The following PHLDB2 variants were observed in gnomAD, a reference collection of about 807,000 sequenced individuals.
PHLDB2 encodes the protein pleckstrin homology-like domain family B member 2.
In PHLDB2, 71 loss-of-function variants were observed where a neutral mutation model predicts 123.6. The observed-to-expected ratio is 0.57, with a 90% CI of 0.47 to 0.70. PHLDB2 has a LOEUF of 0.70. Ranked by LOEUF, PHLDB2 falls within the 30% of genes least tolerant of loss-of-function variation. PHLDB2 has a pLI of 0.00. For missense variants in PHLDB2, 1,446 were observed against 1,519.5 expected (o/e 0.95, Z 0.80); for synonymous variants, 547 against 541.6 (o/e 1.01, Z -0.14).
intron 2 of PHLDB2, among the ~76,000 whole-genome samples, chr3:111,891,737 A>T (rs1222919629): frequency 6.6e-6 from 1 of 152,132 alleles, no homozygotes; most frequent in African/African-American, 2.4e-5. Context: ...TAGAAAAGTC[A>T]TTATAAAGTA....
intron 9 of PHLDB2, among the ~76,000 whole-genome samples, chr3:111,947,023 G>A (rs1353170866): frequency 6.6e-6 from 1 of 152,158 alleles, no homozygotes; most frequent in Admixed American, 6.6e-5. Context: ...AATAAAGGAA[G>A]GTGTCCGGAA....
At chr3:111,916,454 A>G (rs1022505454) in intron 3 of PHLDB2, 6 of 152,244 alleles carry the variant, frequency 3.9e-5, no homozygotes, top group African/African-American at 1.4e-4. Flanking sequence ...TAATTTCCAC[A>G]CTGGATTATT....
intron 1 of PHLDB2, among the ~76,000 whole-genome samples, chr3:111,749,006 A>C (rs1473994910): frequency 2.0e-5 from 3 of 151,960 alleles, no homozygotes; most frequent in Non-Finnish European, 4.4e-5. Flanking sequence ...GAGGCTGAGA[A>C]GTCTTTCCTG....
Position 111,859,355 on chromosome 3 carries a change from A to G in PHLDB2, c.-236A>G. 4.1e-6 allele frequency: 4 copies of G among 985,706 alleles called. No homozygotes were observed. The highest frequency in any genetic ancestry group is 4.8e-6 in the Non-Finnish European group (4 of 830,132). The allele number at this position is 985,706 out of a possible 1,614,324, so 61.1% of individuals were successfully genotyped here. A position where few individuals can be genotyped will look rare whatever the true frequency, so the allele number is the denominator to read the frequency against. Reference sequence around the variant, plus strand: ...TTCCAGCAGCCGTGAAAGCCCCAACAGCAAACTGCCTGGGAGCGGGGCAGG... The same window carrying G: ...TTCCAGCAGCCGTGAAAGCCCCAACGGCAAACTGCCTGGGAGCGGGGCAGG... On this transcript the variant is annotated 5_prime_UTR_variant, in exon 1 of 18. Coordinates refer to ENST00000431670, the MANE Select transcript of PHLDB2 (RefSeq NM_001134438.2).
intron 1 of PHLDB2, among the ~76,000 whole-genome samples, chr3:111,763,858 A>G (rs982848384): frequency 1.4e-4 from 21 of 152,132 alleles, no homozygotes; most frequent in African/African-American, 5.1e-4. Flanking sequence ...TGGTGCCTTG[A>G]TCTTAGACTT....
intron 11 of PHLDB2, 24 bp from the exon 12 acceptor site, chr3:111,953,906 A>G: frequency 6.3e-7 from 1 of 1,595,732 alleles, no homozygotes; most frequent in East Asian, 2.2e-5. Context: ...GCTTGCCTGA[A>G]GTACTCCCTC....
Position 111,849,680 on chromosome 3 carries a change from C to T in PHLDB2, c.67+3745C>T, listed in dbSNP as rs532705826. Among the ~76,000 whole-genome samples, 6 of 152,240 alleles carry T rather than the reference C, an allele frequency of 3.9e-5. No individual in the cohort carries two copies. In the East Asian group the frequency reaches 1.2e-3, roughly 29 times the overall value. On this transcript the variant is annotated intron_variant, in intron 2 of 17. Transcript: ENST00000393923. Reference sequence around the variant, plus strand: ...AGTTCTTGTCATTATACAAAATAGACACTTGCACATATATTTTATAGCAGT... The same window carrying T: ...AGTTCTTGTCATTATACAAAATAGATACTTGCACATATATTTTATAGCAGT...
intron 1 of PHLDB2, chr3:111,883,834 A>G (rs2066049837): frequency 2.1e-6 from 1 of 466,066 alleles, no homozygotes; most frequent in African/African-American, 2.0e-5. Flanking sequence ...CTCAAATGTC[A>G]TTGCTGTCCT....
At chr3:111,757,430 CT>C (rs2059913314) in intron 1 of PHLDB2, among the ~76,000 whole-genome samples, 1 of 152,214 alleles carries the variant, frequency 6.6e-6, no homozygotes, top group Non-Finnish European at 1.5e-5. Flanking sequence ...CCATCAGCTC[CT>C]TTAAGCACTT....
At chr3:111,849,843 C>T (rs1049272675) in intron 2 of PHLDB2, among the ~76,000 whole-genome samples, 10 of 152,042 alleles carry the variant, frequency 6.6e-5, no homozygotes, top group African/African-American at 2.4e-4. Context: ...TTTCCAGCAA[C>T]TTATATGGAG....
chr3:111,898,946 C>A (rs2067034607), intron 2 of PHLDB2, among the ~76,000 whole-genome samples: 1 of 152,200 alleles, frequency 6.6e-6, no homozygotes, highest in Admixed American at 6.5e-5. Context: ...CTTCCAAACT[C>A]TCGTTCATGT....
At chr3:111,755,487 C>T (rs1430034727) in intron 1 of PHLDB2, among the ~76,000 whole-genome samples, 5 of 135,478 alleles carry the variant, frequency 3.7e-5, no homozygotes, top group South Asian at 2.5e-4. Flanking sequence ...TCTGTGGGAT[C>T]GGTGGTGATA....
intron 2 of PHLDB2, among the ~76,000 whole-genome samples, chr3:111,848,364 G>T (rs2064101630): frequency 6.6e-6 from 1 of 152,186 alleles, no homozygotes. Flanking sequence ...TTTCCACCTG[G>T]ATAGTCACTT....
At chr3:111,839,940 C>CTTT (rs3082317) in intron 1 of PHLDB2, among the ~76,000 whole-genome samples, 33,725 of 64,808 alleles carry the variant, frequency 0.52, 12,059 homozygotes, top group East Asian at 0.6. Context: ...CCCACCCCCG[C>CTTT]TTTTTTTTTT....
intron 1 of PHLDB2, among the ~76,000 whole-genome samples, chr3:111,836,416 A>T (rs1178803284): frequency 2.6e-5 from 4 of 152,186 alleles, no homozygotes; most frequent in African/African-American, 7.2e-5. Flanking sequence ...ATGAGATTCT[A>T]CAGAGATATG....
At chr3:111,812,546 G>A (rs1247606159) in intron 1 of PHLDB2, among the ~76,000 whole-genome samples, 4 of 152,272 alleles carry the variant, frequency 2.6e-5, no homozygotes, top group Middle Eastern at 3.4e-3. Context: ...ACCTCATTGG[G>A]AGATTTTCAG....
intron 10 of PHLDB2, among the ~76,000 whole-genome samples, chr3:111,950,654 A>G (rs1005358432): frequency 6.6e-6 from 1 of 152,308 alleles, no homozygotes; most frequent in South Asian, 2.1e-4. Flanking sequence ...TCAAATACCT[A>G]CAGGAATTTG....
At chr3:111,794,529 C>T (rs1051119762) in intron 1 of PHLDB2, among the ~76,000 whole-genome samples, 4 of 152,126 alleles carry the variant, frequency 2.6e-5, no homozygotes, top group African/African-American at 9.7e-5. Context: ...ATTTGGTGTT[C>T]CTACAGTGGG....
At chr3:111,857,786 T>C (rs2064588180), upstream of PHLDB2, among the ~76,000 whole-genome samples, 1 of 152,160 alleles carries the variant, frequency 6.6e-6, no homozygotes, top group Non-Finnish European at 1.5e-5. Context: ...ATGGCAATCA[T>C]TAAAAAGTCA....
Sources: allele counts gnomAD v4.1 joint callset (sites outside exome capture counted in the v4.1 genomes callset), GRCh38; gene constraint gnomAD v4.1.1; transcripts MANE v1.5; gene names NCBI Gene and HGNC (gene_info 2026-07-23, HGNC 2026-07-21).